OIP5: variants seen among roughly 807,000 people sequenced by gnomAD.
The protein encoded by OIP5 is protein Mis18-beta.
OIP5 carries 24 observed loss-of-function variants against 20.3 expected under a neutral mutation model. The observed-to-expected ratio is 1.18, with a 90% CI of 0.86 to 1.66. The LOEUF is 1.66. OIP5 is among the 40% of genes most tolerant of loss of function. The probability of loss-of-function intolerance (pLI) is 0.00; values close to 1 mark genes in which losing one functional copy is unlikely to be tolerated. For synonymous variants in OIP5, 143 were observed against 121.3 expected (o/e 1.18, Z -1.17); for missense variants, 339 against 289.5 (o/e 1.17, Z -1.24).
chr15:41,311,069 G>A (rs2047750777), intron 4 of OIP5, among the ~76,000 whole-genome samples: 1 of 152,146 alleles, frequency 6.6e-6, no homozygotes, highest in Middle Eastern at 3.2e-3. Context: ...CAGCTACTGG[G>A]GAGGCTGAAG....
At chr15:41,311,440 T>C (rs1254701077) in intron 4 of OIP5, among the ~76,000 whole-genome samples, 2 of 152,140 alleles carry the variant, frequency 1.3e-5, no homozygotes, top group South Asian at 4.2e-4. Flanking sequence ...TAAATGTTTC[T>C]GTATTTGCCA....
chr15:41,313,629 A>AT (rs2047772792), intron 3 of OIP5, among the ~76,000 whole-genome samples: 1 of 152,190 alleles, frequency 6.6e-6, no homozygotes, highest in African/African-American at 2.4e-5. Flanking sequence ...TTCCCTTAAC[A>AT]TTACAACAAC....
chr15:41,332,340 C>A lies in OIP5; in HGVS notation c.222G>T (p.Arg74Ser). 1 of 1,612,234 alleles carries A rather than the reference C, an allele frequency of 6.2e-7. No homozygotes were observed. ...ACTGTGCGCACTGGAACACAGCGCACCTCTCAGGCTGCAGCCAAGACGGCA... is the reference window on the plus strand; with the variant it reads ...ACTGTGCGCACTGGAACACAGCGCAACTCTCAGGCTGCAGCCAAGACGGCA... ...PQLPSWLQPE[R>S]CAVFQCAQCH... The change falls in exon 1 of 5, where the codon AGG becomes AGT. Residue 74 changes from arginine (R) to serine (S), a missense_variant. By Grantham distance (110) the Arg-to-Ser change is moderately radical. Coordinates refer to ENST00000220514, the MANE Select transcript of OIP5 (RefSeq NM_007280.2).
chr15:41,310,443 G>T (rs1229807954), intron 4 of OIP5, among the ~76,000 whole-genome samples: 1 of 152,060 alleles, frequency 6.6e-6, no homozygotes, highest in African/African-American at 2.4e-5. Context: ...TGGCTAACAC[G>T]GTGAAACCCC....
intron 4 of OIP5, among the ~76,000 whole-genome samples, chr15:41,310,181 C>T (rs1012675913): frequency 1.2e-4 from 18 of 152,164 alleles, no homozygotes; most frequent in African/African-American, 4.3e-4. Context: ...GCATTTTAAG[C>T]TTAACTGTCA....
chr15:41,326,489 T>A (rs963127463), intron 2 of OIP5, among the ~76,000 whole-genome samples: 5 of 152,196 alleles, frequency 3.3e-5, no homozygotes, highest in African/African-American at 7.2e-5. Flanking sequence ...AATGGCGTGA[T>A]CTTGGCTTAC....
chr15:41,312,583 C>T (rs2047763285), intron 4 of OIP5, among the ~76,000 whole-genome samples: 1 of 151,726 alleles, frequency 6.6e-6, no homozygotes, highest in Non-Finnish European at 1.5e-5. Flanking sequence ...CCTCAGTCTC[C>T]TAAGTAGCTG....
In OIP5 at chr15:41,331,182, A is replaced by G. The variant is rs555054863; in HGVS notation, c.389+733T>C. Among the ~76,000 whole-genome samples, 6 of 152,298 alleles carry G rather than the reference A, an allele frequency of 3.9e-5. No individual in the cohort carries two copies. In the East Asian group the frequency reaches 5.8e-4, roughly 15 times the overall value. ...CTCAATGTTAAAGCCAAAACTCAAAATTGAGGAGCCTTGCAATACCAAATT... is the reference window on the plus strand; with the variant it reads ...CTCAATGTTAAAGCCAAAACTCAAAGTTGAGGAGCCTTGCAATACCAAATT... On this transcript the variant is annotated intron_variant, in intron 2 of 4. Coordinates refer to ENST00000220514, the MANE Select transcript of OIP5 (RefSeq NM_007280.2).
At chr15:41,325,669 G>A (rs757108386) in intron 2 of OIP5, among the ~76,000 whole-genome samples, 8 of 151,188 alleles carry the variant, frequency 5.3e-5, no homozygotes, top group South Asian at 2.1e-4. Flanking sequence ...TGGCAAACAC[G>A]GCGAAACCCA....
chr15:41,330,266 ATT>A (rs1015868157), intron 2 of OIP5, among the ~76,000 whole-genome samples: 3 of 150,924 alleles, frequency 2.0e-5, no homozygotes, highest in African/African-American at 7.3e-5. Context: ...TGCCCGGCTA[ATT>A]TTGTATTTTT....
At chr15:41,313,442 C>CA (rs1052597615) in intron 3 of OIP5, 88 bp from the exon 4 acceptor site, 7 of 719,494 alleles carry the variant, frequency 9.7e-6, no homozygotes, top group East Asian at 2.7e-5. Flanking sequence ...AAGTATGTGT[C>CA]AAAAAAAGCC....
chr15:41,330,418 T>TC (rs1212321948), intron 2 of OIP5, among the ~76,000 whole-genome samples: 1 of 151,338 alleles, frequency 6.6e-6, no homozygotes, highest in Non-Finnish European at 1.5e-5. Context: ...TATTTTTTTT[T>TC]TTTTTTTTTT....
intron 3 of OIP5, among the ~76,000 whole-genome samples, chr15:41,316,790 A>C (rs899700097): frequency 3.7e-5 from 2 of 53,432 alleles, no homozygotes; most frequent in Non-Finnish European, 7.7e-5. Flanking sequence ...ACTCCATCTC[A>C]AAAAAAAAAA....
chr15:41,325,428 A>T (rs1595503059), intron 2 of OIP5, among the ~76,000 whole-genome samples: 1 of 152,004 alleles, frequency 6.6e-6, no homozygotes, highest in East Asian at 1.9e-4. Context: ...TAATAAAAAT[A>T]AAAACTGCCA....
At chr15:41,311,252 G>A (rs765686059) in intron 4 of OIP5, among the ~76,000 whole-genome samples, 3 of 152,060 alleles carry the variant, frequency 2.0e-5, no homozygotes. Flanking sequence ...ACGGTAGTGC[G>A]CGCCTGTAGT....
intron 2 of OIP5, among the ~76,000 whole-genome samples, chr15:41,328,665 CA>C (rs762623289): frequency 6.6e-6 from 1 of 152,010 alleles, no homozygotes; most frequent in African/African-American, 2.4e-5. Context: ...AGGTTCATGC[CA>C]ATTGTAGAAT....
At chr15:41,319,112 C>G (rs2047806204) in intron 3 of OIP5, among the ~76,000 whole-genome samples, 2 of 151,482 alleles carry the variant, frequency 1.3e-5, no homozygotes, top group South Asian at 4.2e-4. Flanking sequence ...GTTCTGTCAC[C>G]CAGGCTGGAG....
intron 2 of OIP5, among the ~76,000 whole-genome samples, chr15:41,324,507 TTGA>T (rs1207311243): frequency 6.6e-6 from 1 of 152,118 alleles, no homozygotes; most frequent in Non-Finnish European, 1.5e-5. Flanking sequence ...GTTTGTTTGT[TTGA>T]TGGAGTTTCG....
At chr15:41,324,283 T>C (rs926215132) in intron 2 of OIP5, among the ~76,000 whole-genome samples, 1 of 150,102 alleles carries the variant, frequency 6.7e-6, no homozygotes, top group Non-Finnish European at 1.5e-5. Context: ...GCGTGAGCCA[T>C]TGCACCGAGC....
Sources: allele counts gnomAD v4.1 joint callset (sites outside exome capture counted in the v4.1 genomes callset), GRCh38; gene constraint gnomAD v4.1.1; transcripts MANE v1.5; gene names NCBI Gene and HGNC (gene_info 2026-07-23, HGNC 2026-07-21).